The following EPB41L4A variants were observed in gnomAD, a reference collection of about 807,000 sequenced individuals.
EPB41L4A encodes band 4.1-like protein 4A.
Under a neutral mutation model 108.6 loss-of-function variants are expected in EPB41L4A, and 100 were observed. The observed-to-expected ratio is 0.92, with a 90% CI of 0.78 to 1.09. The LOEUF is 1.09. Ranked by LOEUF, EPB41L4A falls within the 50% of genes least tolerant of loss-of-function variation. The probability of loss-of-function intolerance (pLI) is 0.00; values close to 1 mark genes in which losing one functional copy is unlikely to be tolerated. For synonymous variants in EPB41L4A, 319 were observed against 289.0 expected (o/e 1.10, Z -1.05); for missense variants, 1,030 against 842.7 (o/e 1.22, Z -2.75).
At chr5:112,216,254 C>G (rs924255197) in intron 12 of EPB41L4A, among the ~76,000 whole-genome samples, 3 of 152,140 alleles carry the variant, frequency 2.0e-5, no homozygotes, top group Non-Finnish European at 4.4e-5. Flanking sequence ...TGAATATACA[C>G]GTATTTTCAA....
chr5:112,291,728 G>A (rs1333266038), intron 2 of EPB41L4A, among the ~76,000 whole-genome samples: 2 of 152,340 alleles, frequency 1.3e-5, no homozygotes, highest in East Asian at 3.9e-4. Context: ...AGAGGACTTG[G>A]TCCAGGGAGC....
At chr5:112,352,702 T>C (rs951129714) in intron 1 of EPB41L4A, among the ~76,000 whole-genome samples, 3 of 152,240 alleles carry the variant, frequency 2.0e-5, no homozygotes, top group African/African-American at 7.2e-5. Context: ...TTTGGTGGTT[T>C]TCTGTAGTGG....
intron 12 of EPB41L4A, chr5:112,228,850 ACCT>A (rs1283372227): frequency 2.0e-6 from 1 of 489,576 alleles, no homozygotes; most frequent in Non-Finnish European, 2.7e-6. Flanking sequence ...CCTGATGCTG[ACCT>A]CCTCTGGGTG....
chr5:112,245,503 G>T (rs1024581156), intron 9 of EPB41L4A, among the ~76,000 whole-genome samples: 2 of 152,196 alleles, frequency 1.3e-5, no homozygotes, highest in African/African-American at 4.8e-5. Context: ...AAGCCAACAT[G>T]CACACATTAC....
At chr5:112,358,618 T>C (rs1758515416) in intron 1 of EPB41L4A, among the ~76,000 whole-genome samples, 1 of 152,210 alleles carries the variant, frequency 6.6e-6, no homozygotes, top group African/African-American at 2.4e-5. Context: ...GAGTAGAAAC[T>C]GGTATATCCA....
intron 2 of EPB41L4A, among the ~76,000 whole-genome samples, chr5:112,289,623 G>A (rs564184020): frequency 4.3e-4 from 66 of 152,246 alleles, no homozygotes; most frequent in Non-Finnish European, 4.7e-4. Context: ...TTTCCCTTGC[G>A]AGGAAGCCAA....
At position 112,375,392 on chromosome 5, in the gene EPB41L4A, CAG is replaced by C. The variant is rs1349928602; in HGVS notation, c.99+43547_99+43548del. Among the ~76,000 whole-genome samples the C allele has an allele frequency of 4.0e-5, 6 of 149,518 alleles. No individual in the cohort carries two copies. In the South Asian group the frequency reaches 6.4e-4, roughly 16 times the overall value. Reference sequence around the variant, plus strand: ...ATTTAAAAAAAAAAGCTACCTAAAACAGAAAGTTTACATGAGATCCAGAGTCT... The same window carrying C: ...ATTTAAAAAAAAAAGCTACCTAAAACAAAGTTTACATGAGATCCAGAGTCT... On this transcript the variant is annotated intron_variant, in intron 1 of 22. Coordinates refer to ENST00000261486, the MANE Select transcript of EPB41L4A (RefSeq NM_022140.5).
At position 112,163,593 on chromosome 5, in the gene EPB41L4A, A is replaced by C. The variant is rs1760049048; in HGVS notation, c.*1397T>G. ...GTCCTAAAAATTCTCCCTGGGATTAAGTAACACAGTGATTGATATTAGTGG... is the reference window on the plus strand; with the variant it reads ...GTCCTAAAAATTCTCCCTGGGATTACGTAACACAGTGATTGATATTAGTGG... On this transcript the variant is annotated 3_prime_UTR_variant, in exon 23 of 23. Transcript: ENST00000261486. 1 of 152,230 alleles carries C rather than the reference A, an allele frequency of 6.6e-6. No homozygotes were observed. Among genetic ancestry groups the C allele is most frequent in the African/African-American group, 2.4e-5 (1 of 41,454 alleles). 9.4% of individuals were successfully genotyped at this position (152,230 alleles called of 1,614,324 possible).
intron 1 of EPB41L4A, among the ~76,000 whole-genome samples, chr5:112,308,132 A>T (rs1754812384): frequency 6.6e-6 from 1 of 152,198 alleles, no homozygotes; most frequent in South Asian, 2.1e-4. Flanking sequence ...CCCACCTACT[A>T]CATATACAGA....
chr5:112,172,696 C>A (rs1194343885), intron 18 of EPB41L4A, among the ~76,000 whole-genome samples: 1 of 152,128 alleles, frequency 6.6e-6, no homozygotes, highest in African/African-American at 2.4e-5. Context: ...TTATTCCATT[C>A]TGACAGAATG....
chr5:112,414,328 C>T (rs938350321), intron 1 of EPB41L4A, among the ~76,000 whole-genome samples: 1 of 152,134 alleles, frequency 6.6e-6, no homozygotes, highest in African/African-American at 2.4e-5. Context: ...AATATTGAAA[C>T]TGTGCAACAA....
At chr5:112,254,668 G>A (rs1750942099) in intron 9 of EPB41L4A, among the ~76,000 whole-genome samples, 1 of 152,012 alleles carries the variant, frequency 6.6e-6, no homozygotes, top group African/African-American at 2.4e-5. Flanking sequence ...TCTCCAGAGG[G>A]AATAGGCAGA....
chr5:112,201,197 T>C (rs1762202628), intron 15 of EPB41L4A, among the ~76,000 whole-genome samples: 1 of 152,194 alleles, frequency 6.6e-6, no homozygotes, highest in Admixed American at 6.5e-5. Flanking sequence ...CAATGGCTCA[T>C]TGCCTCAAAA....
rs138124271 is a variant in EPB41L4A, at chr5:112,214,346, A to C, written c.1088-4364T>G. Among the ~76,000 whole-genome samples, 18 of 152,362 alleles carry C rather than the reference A, an allele frequency of 1.2e-4. 1 individual carries two copies. Among genetic ancestry groups the C allele is most frequent in the Admixed American group, 1.2e-3 (18 of 15,306 alleles). ...CCAGAAAATATTTGGAGGTTAGATAAATCTTTCCCCACCACCACTGCTTTT... is the reference window on the plus strand; with the variant it reads ...CCAGAAAATATTTGGAGGTTAGATACATCTTTCCCCACCACCACTGCTTTT... On this transcript the variant is annotated intron_variant, in intron 12 of 22. Coordinates refer to ENST00000261486, the MANE Select transcript of EPB41L4A (RefSeq NM_022140.5).
intron 18 of EPB41L4A, among the ~76,000 whole-genome samples, chr5:112,172,035 G>A (rs1760608995): frequency 6.6e-6 from 1 of 152,142 alleles, no homozygotes; most frequent in Non-Finnish European, 1.5e-5. Flanking sequence ...AATACACTAA[G>A]CTACTTTCCA....
intron 2 of EPB41L4A, among the ~76,000 whole-genome samples, chr5:112,306,575 T>C (rs957410878): frequency 1.3e-5 from 2 of 152,114 alleles, no homozygotes; most frequent in African/African-American, 4.8e-5. Context: ...GAGGAGGACA[T>C]CTCTATTTCA....
intron 1 of EPB41L4A, among the ~76,000 whole-genome samples, chr5:112,315,598 T>G (rs35843631): frequency 6.6e-6 from 1 of 152,166 alleles, no homozygotes; most frequent in African/African-American, 2.4e-5. Flanking sequence ...CTTTTAACTT[T>G]AAAATACACA....
At chr5:112,249,157 T>A (rs948837770) in intron 9 of EPB41L4A, 1 of 152,188 alleles carries the variant, frequency 6.6e-6, no homozygotes, top group Non-Finnish European at 1.5e-5. Flanking sequence ...GGTTTCCTAC[T>A]GATGCTCCAT....
intron 9 of EPB41L4A, chr5:112,257,405 G>A (rs892976324): frequency 4.6e-5 from 7 of 151,488 alleles, no homozygotes; most frequent in African/African-American, 1.2e-4. Context: ...GGCCTCCCCA[G>A]ACATCCATTT....
Sources: allele counts gnomAD v4.1 joint callset (sites outside exome capture counted in the v4.1 genomes callset), GRCh38; gene constraint gnomAD v4.1.1; transcripts MANE v1.5; gene names NCBI Gene and HGNC (gene_info 2026-07-23, HGNC 2026-07-21).